The following TANC2 variants were observed in gnomAD, a reference collection of about 807,000 sequenced individuals.
TANC2 encodes the protein protein TANC2.
Under a neutral mutation model 210.5 loss-of-function variants are expected in TANC2, and 26 were observed. That is an observed-to-expected ratio of 0.12 (90% confidence interval 0.09 to 0.17). TANC2 has a LOEUF of 0.17. Ranked by LOEUF, TANC2 falls within the 10% of genes least tolerant of loss-of-function variation. TANC2 has a pLI of 1.00. For synonymous variants in TANC2, 931 were observed against 967.1 expected (o/e 0.96, Z 0.69); for missense variants, 2,129 against 2,608.9 (o/e 0.82, Z 4.01).
At chr17:63,309,877 T>TA (rs2045057895) in intron 9 of TANC2, among the ~76,000 whole-genome samples, 1 of 151,988 alleles carries the variant, frequency 6.6e-6, no homozygotes, top group Non-Finnish European at 1.5e-5. Flanking sequence ...CTAGATAACT[T>TA]AAAAACAAAC....
At chr17:63,197,596 A>T (rs2041387164) in intron 6 of TANC2, 1 of 152,236 alleles carries the variant, frequency 6.6e-6, no homozygotes, top group South Asian at 2.1e-4. Flanking sequence ...TCTGCAAAAA[A>T]AACAAAGCAT....
chr17:63,110,198 T>G (rs1232578935), intron 4 of TANC2, among the ~76,000 whole-genome samples: 1 of 151,668 alleles, frequency 6.6e-6, no homozygotes, highest in Non-Finnish European at 1.5e-5. Context: ...TCTGTGAAGT[T>G]CCTGCATGGC....
intron 1 of TANC2, among the ~76,000 whole-genome samples, chr17:63,006,781 G>GTT (rs950152574): frequency 6.7e-6 from 1 of 149,510 alleles, no homozygotes; most frequent in African/African-American, 2.5e-5. Flanking sequence ...ACATATCATA[G>GTT]TTTTTTTTTT....
chr17:63,423,495 A>G (rs2049073684), exon 28 of TANC2: 1 of 152,246 alleles, frequency 6.6e-6, no homozygotes, highest in African/African-American at 2.4e-5. Context: ...CTGAAACGAA[A>G]CAAAGGAGCA....
In TANC2 at chr17:63,420,525, C is replaced by T. The variant is rs771184998; in HGVS notation, c.4795C>T (p.Arg1599Cys). The stretch of plus-strand genomic sequence containing the variant: ...CCCGGCTCATCAGGGAGGATCTTAC[C>T]GTTTCAGCCCCCCTCCTGTGGGAGG... The change falls in exon 28 of 28, where the codon CGT (arginine) becomes TGT (cysteine). Residue 1599 changes from arginine to cysteine, a missense_variant. Around this residue, in one of 5 missense-constraint regions of TANC2, gnomAD observed 584 missense variants for 627.3 expected, o/e 0.93. Coordinates refer to ENST00000689528, the Ensembl canonical transcript of TANC2. This position sits in a 1 kb window ranked among gnomAD's most constrained non-coding sequence, Gnocchi z 4.2. 26 of 1,613,896 alleles carry T rather than the reference C, an allele frequency of 1.6e-5. No homozygotes were observed. The highest frequency in any genetic ancestry group is 2.1e-5 in the Non-Finnish European group (25 of 1,179,818).
chr17:63,006,909 T>C (rs1020662746), intron 1 of TANC2, among the ~76,000 whole-genome samples: 1 of 152,152 alleles, frequency 6.6e-6, no homozygotes, highest in African/African-American at 2.4e-5. Context: ...TCAGGCTTTC[T>C]TATTGGGTCC....
At chr17:62,977,187 T>C (rs1241203484) in intron 1 of TANC2, among the ~76,000 whole-genome samples, 2 of 152,244 alleles carry the variant, frequency 1.3e-5, no homozygotes, top group South Asian at 2.1e-4. Context: ...ATTTTTGACA[T>C]ATAACAATCC....
chr17:63,269,895 A>T (rs988116642), intron 9 of TANC2, among the ~76,000 whole-genome samples: 2 of 152,194 alleles, frequency 1.3e-5, no homozygotes, highest in African/African-American at 2.4e-5. Flanking sequence ...CTGACTGAAT[A>T]TTGAATTTCT....
chr17:63,125,309 A>C (rs2038666109), intron 4 of TANC2: 1 of 152,216 alleles, frequency 6.6e-6, no homozygotes, highest in African/African-American at 2.4e-5. Flanking sequence ...TAACTGTCCA[A>C]TAATGATAGT....
intron 8 of TANC2, among the ~76,000 whole-genome samples, chr17:63,245,309 G>T (rs148480660): frequency 6.3e-4 from 96 of 152,196 alleles, no homozygotes; most frequent in African/African-American, 2.2e-3. Flanking sequence ...TTCATAAGAT[G>T]CATTTCAATG....
At chr17:63,269,323 A>T (rs2043625461) in intron 9 of TANC2, among the ~76,000 whole-genome samples, 1 of 152,154 alleles carries the variant, frequency 6.6e-6, no homozygotes, top group Non-Finnish European at 1.5e-5. Context: ...TACAGTCCAG[A>T]AAATGGAAAT....
At chr17:63,316,434 T>TA (rs2045314942) in intron 10 of TANC2, among the ~76,000 whole-genome samples, 1 of 152,202 alleles carries the variant, frequency 6.6e-6, no homozygotes, top group South Asian at 2.1e-4. Flanking sequence ...GGGATCTCTC[T>TA]ATGAGCCTGG....
intron 2 of TANC2, among the ~76,000 whole-genome samples, chr17:63,025,880 G>A (rs1030718123): frequency 6.7e-6 from 1 of 148,710 alleles, no homozygotes; most frequent in African/African-American, 2.6e-5. Flanking sequence ...ATCAACATGA[G>A]TTGGTTAGGT....
At chr17:63,188,084 A>G (rs2041056333) in intron 5 of TANC2, among the ~76,000 whole-genome samples, 1 of 152,182 alleles carries the variant, frequency 6.6e-6, no homozygotes, top group South Asian at 2.1e-4. Context: ...AAATGATACC[A>G]CATGGAAATT....
chr17:62,996,733 G>GT (rs920622383), intron 1 of TANC2, among the ~76,000 whole-genome samples: 21 of 150,368 alleles, frequency 1.4e-4, no homozygotes, highest in Middle Eastern at 3.4e-3. Flanking sequence ...TTCTCTCTTC[G>GT]TTTTTTTTGA....
chr17:63,350,337 C>G (rs2046559845), intron 12 of TANC2, among the ~76,000 whole-genome samples: 1 of 152,132 alleles, frequency 6.6e-6, no homozygotes, highest in South Asian at 2.1e-4. Flanking sequence ...CCTGTGAGAT[C>G]CTGCTAACAA....
chr17:63,235,543 A>T (rs916167053), intron 7 of TANC2, among the ~76,000 whole-genome samples: 5 of 151,914 alleles, frequency 3.3e-5, no homozygotes, highest in Non-Finnish European at 5.9e-5. Flanking sequence ...GTTTACTTAG[A>T]TTTCTTCTTC....
At chr17:63,213,407 A>G (rs2041942290) in intron 7 of TANC2, among the ~76,000 whole-genome samples, 1 of 152,234 alleles carries the variant, frequency 6.6e-6, no homozygotes, top group African/African-American at 2.4e-5. Flanking sequence ...CTTTCGGTGT[A>G]CAACCCGTGT....
intron 9 of TANC2, among the ~76,000 whole-genome samples, chr17:63,312,781 G>A (rs2045172195): frequency 6.6e-6 from 1 of 151,964 alleles, no homozygotes; most frequent in African/African-American, 2.4e-5. Context: ...TGTGAATCAG[G>A]GAATTATAAG....
Sources: gnomAD v4.1 joint callset for allele counts (sites outside exome capture counted in the v4.1 genomes callset) on GRCh38, gnomAD v4.1.1 for gene constraint, gnomAD v4.1.1 regional missense constraint, Gnocchi (gnomAD v3.1) non-coding constraint, MANE v1.5 for transcripts, NCBI Gene and HGNC (gene_info 2026-07-23, HGNC 2026-07-21) for gene names.